Variants in RUNX1 observed in about 807,000 individuals in gnomAD.
The protein encoded by RUNX1 is runt-related transcription factor 1.
Under a neutral mutation model 42.8 loss-of-function variants are expected in RUNX1, and 19 were observed. The observed-to-expected ratio is 0.44, with a 90% CI of 0.31 to 0.65. RUNX1 has a LOEUF of 0.65. RUNX1 is among the 30% of genes least tolerant of loss of function. RUNX1 has a pLI of 0.07. For synonymous variants in RUNX1, 271 were observed against 289.4 expected (o/e 0.94, Z 0.64); for missense variants, 528 against 672.0 (o/e 0.79, Z 2.37).
chr21:34,792,304 G>GGGGGGGGC lies in RUNX1; in HGVS notation c.1273_1274insGCCCCCCC (p.Pro425ArgfsTer172). 6.5e-7 allele frequency: 1 copy of GGGGGGGGC among 1,543,646 alleles called. No individual in the cohort carries two copies. Among genetic ancestry groups the GGGGGGGGC allele is most frequent in the Non-Finnish European group, 8.7e-7 (1 of 1,146,204 alleles). The stretch of plus-strand genomic sequence containing the variant: ...GGTGCAGGGCGGCAGGATGCGCGGC[G>GGGGGGGGC]GCGAGCGCTCGCCGCCCACCATGGA... On this transcript the variant is annotated frameshift_variant, in exon 9 of 9. Transcript: ENST00000675419. LOFTEE classifies it high-confidence loss of function. This position sits in a 1 kb window ranked among gnomAD's most constrained non-coding sequence, Gnocchi z 6.9.
intron 2 of RUNX1, among the ~76,000 whole-genome samples, chr21:34,957,591 T>C (rs576002091): frequency 1.1e-4 from 16 of 152,318 alleles, no homozygotes; most frequent in African/African-American, 3.9e-4. Context: ...TCATCCTTTC[T>C]CTATTATCCG....
Position 34,792,300 on chromosome 21 carries a change from C to CGGGGGGGGG in RUNX1, c.1277_1278insCCCCCCCCC (p.Pro426_Arg427insProProPro), listed in dbSNP as rs2056451263. The CGGGGGGGGG allele has an allele frequency of 6.5e-7, 1 of 1,534,616 alleles. No homozygotes were observed. The highest frequency in any genetic ancestry group is 8.8e-7 in the Non-Finnish European group (1 of 1,141,256). On this transcript the variant is annotated inframe_insertion, in exon 9 of 9. Transcript: ENST00000675419. The surrounding 1 kb of genome is among the most constrained non-coding windows in gnomAD (Gnocchi z 6.9). ...CGTTGGTGCAGGGCGGCAGGATGCG[C>CGGGGGGGGG]GGCGGCGAGCGCTCGCCGCCCACCA... is the stretch of plus-strand genomic sequence containing the variant.
chr21:34,891,412 ACAGAC>A (rs1351180003), intron 3 of RUNX1, among the ~76,000 whole-genome samples: 2 of 152,192 alleles, frequency 1.3e-5, no homozygotes, highest in African/African-American at 4.8e-5. Context: ...AAAAGAAGAA[ACAGAC>A]CAACCTCTGC....
chr21:34,951,478 C>A (rs1246060957), intron 2 of RUNX1, among the ~76,000 whole-genome samples: 2 of 152,118 alleles, frequency 1.3e-5, no homozygotes, highest in African/African-American at 4.8e-5. Flanking sequence ...GCAATCTATT[C>A]ATCTGACAAA....
chr21:34,928,616 G>C (rs1163680128), intron 2 of RUNX1, among the ~76,000 whole-genome samples: 1 of 151,722 alleles, frequency 6.6e-6, no homozygotes, highest in South Asian at 2.1e-4. Flanking sequence ...AGAGGTGGAG[G>C]TTGCAGTGAG....
At chr21:34,893,460 A>G (rs1318758002) in intron 2 of RUNX1, among the ~76,000 whole-genome samples, 4 of 152,154 alleles carry the variant, frequency 2.6e-5, no homozygotes, top group African/African-American at 9.7e-5. Context: ...AACCTCTCAC[A>G]AGTTCTAATA....
At chr21:35,044,548 T>C (rs1937895445) in intron 2 of RUNX1, among the ~76,000 whole-genome samples, 1 of 152,228 alleles carries the variant, frequency 6.6e-6, no homozygotes, top group Admixed American at 6.5e-5. Context: ...AGAAGTTCTA[T>C]ATGCTATTTG....
At chr21:34,882,199 C>T (rs376620577) in intron 4 of RUNX1, among the ~76,000 whole-genome samples, 92 of 152,250 alleles carry the variant, frequency 6.0e-4, no homozygotes, top group Middle Eastern at 3.4e-3. Context: ...TGTATGATAT[C>T]GAAGTCATGT....
At chr21:35,015,292 C>T (rs1018613565) in intron 2 of RUNX1, among the ~76,000 whole-genome samples, 1 of 152,170 alleles carries the variant, frequency 6.6e-6, no homozygotes, top group African/African-American at 2.4e-5. Flanking sequence ...TTAGAATAGA[C>T]ACCACATAAT....
intron 7 of RUNX1, among the ~76,000 whole-genome samples, chr21:34,803,440 G>A (rs1489479005): frequency 2.0e-5 from 3 of 151,966 alleles, no homozygotes; most frequent in African/African-American, 4.8e-5. Context: ...CCAGCTACTC[G>A]GGAGGCTGAG....
chr21:34,932,463 G>A lies in RUNX1; in HGVS notation c.59-39500C>T, dbSNP rs115540537. Among the ~76,000 whole-genome samples, 1,047 of 152,176 alleles carry A rather than the reference G, an allele frequency of 6.9e-3. 11 individuals carry two copies. The highest frequency in any genetic ancestry group is 0.024 in the African/African-American group (1,001 of 41,512). On this transcript the variant is annotated intron_variant, in intron 2 of 8. Transcript: ENST00000675419. ...GGGTTGTGGGTTCTCCCCTCTAAAC[G>A]ACTACTTCCTGCATATCACTTTCCA...
chr21:34,890,870 G>A (rs966973213), intron 3 of RUNX1, among the ~76,000 whole-genome samples: 2 of 152,096 alleles, frequency 1.3e-5, no homozygotes, highest in African/African-American at 4.8e-5. Flanking sequence ...TCTGGGCAAG[G>A]GAAACCTTTT....
intron 7 of RUNX1, among the ~76,000 whole-genome samples, chr21:34,814,970 C>T (rs371536899): frequency 2.7e-4 from 41 of 152,080 alleles, no homozygotes; most frequent in East Asian, 1.4e-3. Flanking sequence ...TGTACTACCC[C>T]GAAAAAATGC....
At chr21:34,823,430 G>GTTTTTTTTTTTTTTTTTTTTTTTT (rs56957776) in intron 7 of RUNX1, among the ~76,000 whole-genome samples, 3 of 99,712 alleles carry the variant, frequency 3.0e-5, no homozygotes, top group African/African-American at 5.1e-5. Flanking sequence ...TTCCTGGTGG[G>GTTTTTTTTTTTTTTTTTTTTTTTT]TTTTTTTTTT....
At chr21:34,950,972 A>G (rs1040037282) in intron 2 of RUNX1, among the ~76,000 whole-genome samples, 3 of 152,264 alleles carry the variant, frequency 2.0e-5, no homozygotes, top group Non-Finnish European at 2.9e-5. Context: ...GAACGATTGC[A>G]GTGCTACTGA....
chr21:34,789,584 TCACACACACACACACA>T lies in RUNX1; in HGVS notation c.*2535_*2550del, dbSNP rs371955155. On this transcript the variant is annotated 3_prime_UTR_variant, in exon 9 of 9. Coordinates refer to ENST00000675419, the MANE Select transcript of RUNX1 (RefSeq NM_001754.5). ...ACCTGAAGTCAATGAATGCAATTTT[TCACACACACACACACA>T]CACGCACACACACACACATACAAAA... 4.7e-6 allele frequency: 1 copy of T among 214,158 alleles called. No individual in the cohort carries two copies. The highest frequency in any genetic ancestry group is 9.4e-6 in the Non-Finnish European group (1 of 106,288). The allele number at this position is 214,158 out of a possible 1,614,324, so 13.3% of individuals were successfully genotyped here. A position where few individuals can be genotyped will look rare whatever the true frequency, so the allele number is the denominator to read the frequency against.
intron 7 of RUNX1, among the ~76,000 whole-genome samples, chr21:34,831,454 A>G (rs576466487): frequency 1.0e-3 from 153 of 152,230 alleles, no homozygotes; most frequent in African/African-American, 3.6e-3. Flanking sequence ...CTATATCAGT[A>G]TTTTCTTGCT....
intron 2 of RUNX1, among the ~76,000 whole-genome samples, chr21:35,047,602 A>C (rs555389614): frequency 1.1e-5 from 1 of 91,534 alleles, no homozygotes; most frequent in Middle Eastern, 7.4e-3. Context: ...CTCTCTCATC[A>C]AGTTTTTTAA....
intron 2 of RUNX1, among the ~76,000 whole-genome samples, chr21:35,013,796 A>G (rs1475704382): frequency 6.6e-6 from 1 of 152,254 alleles, no homozygotes; most frequent in Non-Finnish European, 1.5e-5. Context: ...TCATTGCAAC[A>G]TTATTATACT....
Sources: gnomAD v4.1 joint callset for allele counts (sites outside exome capture counted in the v4.1 genomes callset) on GRCh38, gnomAD v4.1.1 for gene constraint, Gnocchi (gnomAD v3.1) non-coding constraint, MANE v1.5 for transcripts, NCBI Gene and HGNC (gene_info 2026-07-23, HGNC 2026-07-21) for gene names.